Variants in SEL1L3 observed in about 807,000 individuals in gnomAD.
The protein encoded by SEL1L3 is SEL1L family member 3.
SEL1L3 carries 76 observed loss-of-function variants against 142.8 expected under a neutral mutation model. The observed-to-expected ratio is 0.53, with a 90% CI of 0.44 to 0.64. SEL1L3 has a LOEUF of 0.64. SEL1L3 is among the 30% of genes least tolerant of loss of function. The pLI, the probability that SEL1L3 is intolerant of heterozygous loss-of-function variation, is 0.00. For missense variants in SEL1L3, 1,262 were observed against 1,381.7 expected (o/e 0.91, Z 1.37); for synonymous variants, 504 against 519.6 (o/e 0.97, Z 0.41).
chr4:25,847,426 T>C lies in SEL1L3; in HGVS notation c.601A>G (p.Asn201Asp), dbSNP rs1716597365. The C allele has an allele frequency of 1.9e-6, 3 of 1,614,016 alleles. No individual in the cohort carries two copies. Among genetic ancestry groups the C allele is most frequent in the Admixed American group, 1.7e-5 (1 of 60,026 alleles). ...GGGATGGTCTGCAGGAGGGTATAATTCTTTGCTACAGCATGGAGCAAGTTT... is the reference window on the plus strand; with the variant it reads ...GGGATGGTCTGCAGGAGGGTATAATCCTTTGCTACAGCATGGAGCAAGTTT... ...EENLLHAVAK[N>D]YTLLQTIPPF... The change falls in exon 2 of 24, where the codon AAT becomes GAT. Residue 201 changes from asparagine (N) to aspartate (D), a missense_variant. Coordinates refer to ENST00000399878, the MANE Select transcript of SEL1L3 (RefSeq NM_015187.5).
chr4:25,718,533 G>A, the SEL1L3 span: 1 of 152,184 alleles, frequency 6.6e-6, no homozygotes, highest in Non-Finnish European at 1.5e-5. Flanking sequence ...AGCTTCAAGG[G>A]TCTGGATGAG....
chr4:25,759,189 T>C (rs936721391), intron 20 of SEL1L3, 121 bp from the exon 21 acceptor site: 6 of 1,014,798 alleles, frequency 5.9e-6, no homozygotes, highest in African/African-American at 4.8e-5. Flanking sequence ...TAGAGCCAGA[T>C]GGTTTTGTCA....
At chr4:25,806,833 C>T (rs1209136039) in intron 9 of SEL1L3, among the ~76,000 whole-genome samples, 6 of 151,156 alleles carry the variant, frequency 4.0e-5, no homozygotes, top group African/African-American at 1.5e-4. Flanking sequence ...TTTTAAACTC[C>T]CCAGAGAAAT....
chr4:25,840,157 T>C (rs915442310), intron 2 of SEL1L3, among the ~76,000 whole-genome samples: 1 of 152,184 alleles, frequency 6.6e-6, no homozygotes, highest in African/African-American at 2.4e-5. Context: ...GTCTTTCCCA[T>C]GGTACTATTA....
At position 25,819,824 on chromosome 4, in the gene SEL1L3, G is replaced by A. The variant is rs377028341; in HGVS notation, c.1407C>T (p.Gly469=). The A allele has an allele frequency of 1.3e-5, 21 of 1,610,480 alleles. No homozygotes were observed. Among genetic ancestry groups the A allele is most frequent in the African/African-American group, 1.1e-4 (8 of 74,722 alleles). Residue 469 remains glycine (G), a synonymous_variant, in exon 8 of 24, where the codon GGC becomes GGT. Coordinates refer to ENST00000399878, the MANE Select transcript of SEL1L3 (RefSeq NM_015187.5). Reference sequence around the variant, plus strand: ...AACACTTACATGCTTCTTGTCTCTCGCCCCCGTGCTTTGCTGCAGATGCAT... The same window carrying A: ...AACACTTACATGCTTCTTGTCTCTCACCCCCGTGCTTTGCTGCAGATGCAT... ...SVYASAAKHG[G]ERQEACHLHN... is the part of the protein sequence containing the mutation.
chr4:25,746,781 G>A (rs1197894834), downstream of SEL1L3, among the ~76,000 whole-genome samples: 3 of 151,610 alleles, frequency 2.0e-5, no homozygotes, highest in African/African-American at 7.3e-5. Context: ...TTCCTGTACA[G>A]CCTACAGGAC....
At chr4:25,841,878 T>C (rs1425366777) in intron 2 of SEL1L3, among the ~76,000 whole-genome samples, 1 of 152,134 alleles carries the variant, frequency 6.6e-6, no homozygotes, top group Non-Finnish European at 1.5e-5. Context: ...GAGAATCGCA[T>C]GAACCTGGGA....
chr4:25,771,188 C>A (rs1054519682), intron 17 of SEL1L3, among the ~76,000 whole-genome samples: 2 of 152,142 alleles, frequency 1.3e-5, no homozygotes, highest in African/African-American at 4.8e-5. Flanking sequence ...TGCAGGAAAC[C>A]CAAAGACAAG....
intron 9 of SEL1L3, 91 bp from the exon 10 acceptor site, chr4:25,804,843 G>T: frequency 1.1e-6 from 1 of 941,320 alleles, no homozygotes; most frequent in South Asian, 1.4e-5. Flanking sequence ...TAAATCACCT[G>T]AGTTATTGAT....
chr4:25,779,686 G>A (rs976176255), intron 15 of SEL1L3, among the ~76,000 whole-genome samples: 1 of 152,202 alleles, frequency 6.6e-6, no homozygotes, highest in Non-Finnish European at 1.5e-5. Flanking sequence ...CATTTGCTAT[G>A]CATAAAAATA....
At chr4:25,853,968 G>A (rs1030517908) in intron 1 of SEL1L3, among the ~76,000 whole-genome samples, 8 of 151,940 alleles carry the variant, frequency 5.3e-5, no homozygotes, top group African/African-American at 1.5e-4. Context: ...CACTGCCCCC[G>A]GCCTCTCTTT....
chr4:25,748,441 G>A lies in SEL1L3; in HGVS notation c.3383C>T (p.Pro1128Leu), dbSNP rs746867162. The stretch of plus-strand genomic sequence containing the variant: ...GTGCACAGTTCACCCACGTGGCTCC[G>A]GGTTATTAGTTACTGTGGGCTGGTC... ...DQDQPTVTNN[P>L]EPRG The change falls in exon 24 of 24, where the codon CCG (proline) becomes CTG (leucine). Residue 1128 changes from proline (P) to leucine (L), a missense_variant. Pro to Leu is a moderately conservative substitution (Grantham distance 98, BLOSUM62 -3). Around this residue, in one of 3 missense-constraint regions of SEL1L3, gnomAD observed 138 missense variants for 129.7 expected, o/e 1.06. Coordinates refer to ENST00000399878, the MANE Select transcript of SEL1L3 (RefSeq NM_015187.5). 3.3e-5 allele frequency: 53 copies of A among 1,610,396 alleles called. No homozygotes were observed. Among genetic ancestry groups the A allele is most frequent in the South Asian group, 1.4e-4 (13 of 90,010 alleles).
chr4:25,831,515 T>A (rs1334893437), intron 5 of SEL1L3, among the ~76,000 whole-genome samples: 8 of 94,830 alleles, frequency 8.4e-5, no homozygotes, highest in Admixed American at 7.1e-4. Flanking sequence ...ATAATAATTA[T>A]TATTATTATT....
intron 23 of SEL1L3, 68 bp downstream of exon 23, chr4:25,757,466 A>C (rs1371761243): frequency 1.0e-6 from 1 of 957,302 alleles, no homozygotes; most frequent in African/African-American, 1.9e-5. Flanking sequence ...CCAAAAAAAA[A>C]AAAAAAAAAA....
At chr4:25,787,164 T>C (rs758230243) in intron 13 of SEL1L3, among the ~76,000 whole-genome samples, 17 of 152,228 alleles carry the variant, frequency 1.1e-4, no homozygotes, top group Non-Finnish European at 1.8e-4. Context: ...TTGGGTGACC[T>C]TGGGCAAATT....
downstream of SEL1L3, among the ~76,000 whole-genome samples, chr4:25,745,042 T>C (rs375051694): frequency 2.6e-5 from 4 of 152,080 alleles, no homozygotes; most frequent in South Asian, 4.1e-4. Flanking sequence ...TTTTAAGAAA[T>C]TGAGGTACAG....
rs1484807905 is a variant in SEL1L3, at chr4:25,804,595, G to A, written c.1722C>T (p.Tyr574=). 9 of 1,613,734 alleles carry A rather than the reference G, an allele frequency of 5.6e-6. No homozygotes were observed. Among genetic ancestry groups the A allele is most frequent in the Non-Finnish European group, 7.6e-6 (9 of 1,179,820 alleles). The stretch of plus-strand genomic sequence containing the variant: ...CAGTCTCATAAAAGACTGCAAGGTA[G>A]TAGGATGCTTTATGGTATCCACAGC... ...SSCCGYHKAS[Y]YLAVFYETGL... The change falls in exon 10 of 24, where the codon TAC becomes TAT. Residue 574 remains tyrosine, a synonymous_variant. Transcript: ENST00000399878.
chr4:25,844,843 T>G (rs1577688238), intron 2 of SEL1L3, among the ~76,000 whole-genome samples: 2 of 152,360 alleles, frequency 1.3e-5, no homozygotes, highest in Non-Finnish European at 2.9e-5. Flanking sequence ...GGAGGCACAC[T>G]GATCATCAAA....
chr4:25,732,746 G>A, the SEL1L3 span, among the ~76,000 whole-genome samples: 1 of 151,798 alleles, frequency 6.6e-6, no homozygotes, highest in Non-Finnish European at 1.5e-5. Flanking sequence ...GTGTGTGTGT[G>A]GTGGGGAGTC....
Sources: gnomAD v4.1 joint callset for allele counts (sites outside exome capture counted in the v4.1 genomes callset) on GRCh38, gnomAD v4.1.1 for gene constraint, gnomAD v4.1.1 regional missense constraint, MANE v1.5 for transcripts, NCBI Gene and HGNC (gene_info 2026-07-23, HGNC 2026-07-21) for gene names.